Variants in RAD52 observed in about 807,000 individuals in gnomAD.
The protein encoded by RAD52 is RAD52 DNA repair protein.
In RAD52, 47 loss-of-function variants were observed where a neutral mutation model predicts 55.5. The observed-to-expected ratio is 0.85, with a 90% CI of 0.67 to 1.08. RAD52 has a LOEUF of 1.08. RAD52 is among the 50% of genes least tolerant of loss of function. The pLI, the probability that RAD52 is intolerant of heterozygous loss-of-function variation, is 0.00. For synonymous variants in RAD52, 184 were observed against 198.9 expected, an observed-to-expected ratio of 0.92 and a Z score of 0.63; for missense variants, 468 against 522.8, an observed-to-expected ratio of 0.90 and a Z score of 1.02.
chr12:931,749 C>T (rs1247277432), intron 2 of RAD52, among the ~76,000 whole-genome samples: 1 of 152,198 alleles, frequency 6.6e-6, no homozygotes, highest in Non-Finnish European at 1.5e-5. Context: ...GTTCTGCCTC[C>T]AGATCTGTAA....
intron 7 of RAD52, 141 bp from the exon 8 acceptor site, chr12:916,961 G>A: frequency 9.2e-7 from 1 of 1,082,184 alleles, no homozygotes; most frequent in East Asian, 2.6e-5. Flanking sequence ...GTAACTCCAT[G>A]AGCAGGAGGA....
At chr12:990,703 G>C (rs935393829), upstream of RAD52, 22 of 152,222 alleles carry the variant, frequency 1.4e-4, no homozygotes, top group Non-Finnish European at 3.1e-4. Context: ...TTGGGACAAA[G>C]CGTCCCCCCA....
At chr12:970,869 G>C (rs148504020) in intron 1 of RAD52, among the ~76,000 whole-genome samples, 2 of 151,004 alleles carry the variant, frequency 1.3e-5, no homozygotes, top group Admixed American at 1.3e-4. Flanking sequence ...TACATCCCTT[G>C]CTGAGACTTT....
intron 1 of RAD52, among the ~76,000 whole-genome samples, chr12:970,453 C>A (rs1363518260): frequency 2.0e-5 from 3 of 151,438 alleles, no homozygotes; most frequent in Admixed American, 2.0e-4. Flanking sequence ...AGTCAAGAAG[C>A]TATCCATAGT....
chr12:944,427 C>G (rs1389058812), intron 1 of RAD52, among the ~76,000 whole-genome samples: 1 of 151,284 alleles, frequency 6.6e-6, no homozygotes, highest in Non-Finnish European at 1.5e-5. Flanking sequence ...GTGGGAGGAT[C>G]ACTTGAGCGG....
At chr12:932,868 C>T (rs557063913) in intron 2 of RAD52, 107 bp downstream of exon 2, 11 of 418,090 alleles carry the variant, frequency 2.6e-5, no homozygotes, top group Non-Finnish European at 3.4e-5. Flanking sequence ...ACTAGGTAAA[C>T]GTACTAGGTA....
intron 1 of RAD52, among the ~76,000 whole-genome samples, chr12:941,673 C>T (rs1459745472): frequency 1.3e-5 from 2 of 151,794 alleles, no homozygotes; most frequent in Non-Finnish European, 2.9e-5. Context: ...GCTCTTGTTG[C>T]CCAGGCTGGA....
At chr12:979,683 A>G (rs1592496608) in intron 1 of RAD52, among the ~76,000 whole-genome samples, 2 of 152,100 alleles carry the variant, frequency 1.3e-5, no homozygotes, top group African/African-American at 4.8e-5. Flanking sequence ...TTGATCTTGG[A>G]CTTCTAGCCT....
chr12:961,181 G>A lies in RAD52; in HGVS notation c.-18-28105C>T, dbSNP rs1209525990. ...AAAAATTAGCTGGGCGTGGTGGCAGGCGCCTGTAATCCCAGCTACTTGGGA... is the reference window on the plus strand; with the variant it reads ...AAAAATTAGCTGGGCGTGGTGGCAGACGCCTGTAATCCCAGCTACTTGGGA... On this transcript the variant is annotated intron_variant, in intron 1 of 11. Transcript: ENST00000430095. Among the ~76,000 whole-genome samples, 11 of 151,476 alleles carry A rather than the reference G, an allele frequency of 7.3e-5. 1 individual carries two copies. The highest frequency in any genetic ancestry group is 7.2e-4 in the Admixed American group (11 of 15,184).
intron 1 of RAD52, among the ~76,000 whole-genome samples, chr12:970,736 G>A (rs868442848): frequency 2.8e-4 from 43 of 152,152 alleles, no homozygotes; most frequent in East Asian, 1.5e-3. Context: ...GAGTAAGTAG[G>A]CGGTCCATGA....
At chr12:940,271 G>A (rs1565683587) in intron 1 of RAD52, among the ~76,000 whole-genome samples, 1 of 151,962 alleles carries the variant, frequency 6.6e-6, no homozygotes. Flanking sequence ...GAAAACGCAA[G>A]CCTTCTGGGA....
upstream of RAD52, among the ~76,000 whole-genome samples, chr12:990,788 G>A (rs1026744761): frequency 2.0e-5 from 3 of 152,136 alleles, no homozygotes; most frequent in African/African-American, 7.2e-5. Flanking sequence ...GAGAAGTAGG[G>A]GGTGGGGCGC....
intron 1 of RAD52, among the ~76,000 whole-genome samples, chr12:970,221 A>G (rs1592484871): frequency 1.4e-5 from 2 of 146,658 alleles, no homozygotes; most frequent in East Asian, 2.2e-4. Context: ...GGGGGTGCTG[A>G]GGCAGGAGAA....
chr12:959,355 C>A (rs1958653363), intron 1 of RAD52, among the ~76,000 whole-genome samples: 1 of 152,156 alleles, frequency 6.6e-6, no homozygotes, highest in African/African-American at 2.4e-5. Flanking sequence ...TATTTATTAG[C>A]CCCTATCAGG....
At chr12:917,623 C>A (rs1956469010) in intron 7 of RAD52, among the ~76,000 whole-genome samples, 1 of 151,706 alleles carries the variant, frequency 6.6e-6, no homozygotes, top group Non-Finnish European at 1.5e-5. Context: ...TGACTCATGC[C>A]TGTAATCCCA....
At chr12:966,951 T>C (rs1303930387) in intron 1 of RAD52, among the ~76,000 whole-genome samples, 1 of 152,116 alleles carries the variant, frequency 6.6e-6, no homozygotes, top group African/African-American at 2.4e-5. Context: ...TATTTTTCCC[T>C]GTGCTGTAGT....
At chr12:969,384 G>A (rs1046253730) in intron 1 of RAD52, among the ~76,000 whole-genome samples, 1 of 151,942 alleles carries the variant, frequency 6.6e-6, no homozygotes, top group Admixed American at 6.6e-5. Context: ...TGGTGGGGCT[G>A]CACTAATTGT....
intron 1 of RAD52, among the ~76,000 whole-genome samples, chr12:937,132 T>C (rs1343155031): frequency 1.3e-5 from 2 of 152,200 alleles, no homozygotes; most frequent in African/African-American, 2.4e-5. Flanking sequence ...CCACCCTTCC[T>C]TTAGATGGAT....
chr12:982,879 T>G (rs1179554377), intron 1 of RAD52, among the ~76,000 whole-genome samples: 1 of 150,734 alleles, frequency 6.6e-6, no homozygotes. Flanking sequence ...AGACAGAGTC[T>G]CACTCCGTCA....
Sources: gnomAD v4.1 joint callset for allele counts (sites outside exome capture counted in the v4.1 genomes callset) on GRCh38, gnomAD v4.1.1 for gene constraint, MANE v1.5 for transcripts, NCBI Gene and HGNC (gene_info 2026-07-23, HGNC 2026-07-21) for gene names.